Variants in INPP4B observed in about 807,000 individuals in gnomAD.
INPP4B encodes the protein inositol polyphosphate 4-phosphatase type II.
In INPP4B, 55 loss-of-function variants were observed where a neutral mutation model predicts 122.5. The observed-to-expected ratio is 0.45, with a 90% confidence interval of 0.36 to 0.56. The LOEUF is 0.56. Among genes scored for constraint, INPP4B ranks in the 20% least tolerant of loss-of-function variants. The pLI, the probability that INPP4B is intolerant of heterozygous loss-of-function variation, is 0.00. For synonymous variants in INPP4B, 403 were observed against 388.7 expected (o/e 1.04, Z -0.43); for missense variants, 1,000 against 1,097.7 (o/e 0.91, Z 1.26).
chr4:142,221,606 GT>G (rs369512661), intron 12 of INPP4B, among the ~76,000 whole-genome samples: 5,246 of 147,124 alleles, frequency 0.036, 288 homozygotes, highest in African/African-American at 0.12. Flanking sequence ...AAGAAAGGAG[GT>G]TTTTTTTTTA....
chr4:142,654,236 G>A (rs568997440), intron 2 of INPP4B, among the ~76,000 whole-genome samples: 12 of 151,894 alleles, frequency 7.9e-5, no homozygotes, highest in Admixed American at 2.6e-4. Context: ...TAGGGGGCTC[G>A]GGAAGGGATA....
At chr4:142,149,858 G>C (rs532113111) in intron 17 of INPP4B, among the ~76,000 whole-genome samples, 2 of 152,308 alleles carry the variant, frequency 1.3e-5, no homozygotes, top group East Asian at 3.9e-4. Context: ...CAAGGCCCCA[G>C]ATCCATTCAT....
At chr4:142,845,938 G>A (rs936415721) in intron 1 of INPP4B, among the ~76,000 whole-genome samples, 3 of 151,984 alleles carry the variant, frequency 2.0e-5, no homozygotes, top group African/African-American at 7.2e-5. Flanking sequence ...GCGCCGGGCA[G>A]AGGGGCGCTC....
chr4:142,336,950 T>A (rs1358265698), intron 7 of INPP4B, among the ~76,000 whole-genome samples: 1 of 152,210 alleles, frequency 6.6e-6, no homozygotes, highest in Non-Finnish European at 1.5e-5. Context: ...CTAGAGACAA[T>A]CATTGTCCTT....
At chr4:142,817,983 G>A (rs1481470038) in intron 1 of INPP4B, among the ~76,000 whole-genome samples, 3 of 152,108 alleles carry the variant, frequency 2.0e-5, no homozygotes, top group Non-Finnish European at 4.4e-5. Flanking sequence ...TTCTAGAAGT[G>A]GAGAGTGAAA....
chr4:142,436,760 G>A (rs1194534184), intron 3 of INPP4B, among the ~76,000 whole-genome samples: 1 of 151,086 alleles, frequency 6.6e-6, no homozygotes, highest in African/African-American at 2.4e-5. Flanking sequence ...AGTGTCAGCA[G>A]CCTCAAAGAT....
chr4:142,085,241 A>T (rs1056410650), intron 24 of INPP4B, among the ~76,000 whole-genome samples: 18 of 152,220 alleles, frequency 1.2e-4, no homozygotes, highest in Non-Finnish European at 5.9e-5. Flanking sequence ...AGTAAGTGAT[A>T]TTGAATTATA....
chr4:142,129,794 T>C (rs1415636461), intron 18 of INPP4B, among the ~76,000 whole-genome samples: 1 of 152,218 alleles, frequency 6.6e-6, no homozygotes, highest in Non-Finnish European at 1.5e-5. Context: ...TTTTTATTTT[T>C]CTTCTTTTAA....
rs146314371 is a variant in INPP4B at position 142,679,527 on chromosome 4, A to G, written c.-191+46312T>C. Among the ~76,000 whole-genome samples, 937 of 151,954 alleles carry G rather than the reference A, an allele frequency of 6.2e-3. 44 individuals are homozygous for G. The highest frequency in any genetic ancestry group is 0.057 in the Admixed American group (868 of 15,208). ...GTATTACTCCTGAATTTTATTTTACATTAGTAAAGCATGCATTCCAATATA... is the reference window on the plus strand; with the variant it reads ...GTATTACTCCTGAATTTTATTTTACGTTAGTAAAGCATGCATTCCAATATA... On this transcript the variant is annotated intron_variant, in intron 2 of 25. Coordinates refer to ENST00000262992, the MANE Select transcript of INPP4B (RefSeq NM_001101669.3).
chr4:142,198,749 T>C (rs1839459551), intron 14 of INPP4B, among the ~76,000 whole-genome samples: 1 of 152,102 alleles, frequency 6.6e-6, no homozygotes, highest in Non-Finnish European at 1.5e-5. Flanking sequence ...TCAATATAAT[T>C]CATGGAAAAA....
chr4:142,752,258 G>T (rs1769846287), intron 1 of INPP4B, among the ~76,000 whole-genome samples: 1 of 152,060 alleles, frequency 6.6e-6, no homozygotes, highest in Non-Finnish European at 1.5e-5. Context: ...GATTTAGGAG[G>T]CCAAAGGTGC....
intron 7 of INPP4B, among the ~76,000 whole-genome samples, chr4:142,318,926 G>A (rs1768927573): frequency 6.6e-6 from 1 of 152,104 alleles, no homozygotes; most frequent in African/African-American, 2.4e-5. Flanking sequence ...GGACTTTAAT[G>A]CTCATATTTA....
intron 2 of INPP4B, among the ~76,000 whole-genome samples, chr4:142,545,313 T>G (rs1206306471): frequency 1.3e-5 from 2 of 152,148 alleles, no homozygotes; most frequent in Non-Finnish European, 2.9e-5. Flanking sequence ...TACTTTATAT[T>G]GAGAATTTTC....
rs201749531 is a variant in INPP4B at position 142,685,727 on chromosome 4, TC to T, written c.-191+40111del. Among the ~76,000 whole-genome samples, 6 of 151,950 alleles carry T rather than the reference TC, an allele frequency of 3.9e-5. No individual in the cohort carries two copies. The East Asian group carries it at 1.2e-3, about 29-fold the overall frequency. On this transcript the variant is annotated intron_variant, in intron 2 of 25. Transcript: ENST00000262992. ...GTGAGCTGTGATCACACAACTGCAC[TC>T]CCCCCTGGGAGACAGAGTTAGACCC...
intron 1 of INPP4B, among the ~76,000 whole-genome samples, chr4:142,726,579 T>G (rs1765374317): frequency 1.3e-5 from 2 of 152,228 alleles, no homozygotes; most frequent in Admixed American, 1.3e-4. Context: ...CATCATTATC[T>G]AAATGTTCAG....
At chr4:142,541,446 G>A (rs985787926) in intron 2 of INPP4B, among the ~76,000 whole-genome samples, 14 of 152,142 alleles carry the variant, frequency 9.2e-5, no homozygotes, top group African/African-American at 3.1e-4. Context: ...AGAAAAGACA[G>A]GGGTTGGCCC....
intron 10 of INPP4B, among the ~76,000 whole-genome samples, chr4:142,270,277 A>C (rs1745103388): frequency 1.3e-5 from 2 of 152,190 alleles, no homozygotes; most frequent in Admixed American, 1.3e-4. Context: ...ATATCTTTCC[A>C]AAGAGGGTTT....
chr4:142,331,004 T>C (rs1484620587), intron 7 of INPP4B, among the ~76,000 whole-genome samples: 1 of 152,212 alleles, frequency 6.6e-6, no homozygotes, highest in African/African-American at 2.4e-5. Context: ...TAAAGTGAAT[T>C]TTTCTTTGAT....
chr4:142,201,405 A>T (rs1840573820), intron 14 of INPP4B, among the ~76,000 whole-genome samples: 1 of 152,116 alleles, frequency 6.6e-6, no homozygotes, highest in East Asian at 1.9e-4. Context: ...TTATTATCTT[A>T]GGTAATCTTC....
Sources: allele counts gnomAD v4.1 joint callset (sites outside exome capture counted in the v4.1 genomes callset), GRCh38; gene constraint gnomAD v4.1.1; transcripts MANE v1.5; gene names NCBI Gene and HGNC (gene_info 2026-07-23, HGNC 2026-07-21).